Variants in P2RY6 observed in about 807,000 individuals in gnomAD.
P2RY6 encodes pyrimidinergic receptor P2Y6, also known as P2Y purinoceptor 6.
In P2RY6, 19 loss-of-function variants were observed where a neutral mutation model predicts 16.3. The ratio of observed to expected loss-of-function variants is 1.16; its 90% CI spans 0.81 to 1.71. P2RY6 has a LOEUF of 1.71. P2RY6 is among the 40% of genes most tolerant of loss of function. The pLI is 0.00. For synonymous variants in P2RY6, 184 were observed against 201.5 expected, an observed-to-expected ratio of 0.91 and a Z score of 0.74; for missense variants, 389 against 455.5, an observed-to-expected ratio of 0.85 and a Z score of 1.33.
chr11:73,274,802 C>T (rs946678253), intron 1 of P2RY6, among the ~76,000 whole-genome samples: 2 of 152,176 alleles, frequency 1.3e-5, no homozygotes, highest in African/African-American at 4.8e-5. Flanking sequence ...CGGGGCCTGT[C>T]GAGACTCTCA....
At chr11:73,289,365 C>G (rs1003119401) in intron 1 of P2RY6, 1 of 152,168 alleles carries the variant, frequency 6.6e-6, no homozygotes, top group African/African-American at 2.4e-5. Flanking sequence ...CTATGTCAGA[C>G]AGACAGGGCG....
intron 1 of P2RY6, among the ~76,000 whole-genome samples, chr11:73,280,223 T>C (rs1863702404): frequency 6.6e-6 from 1 of 152,176 alleles, no homozygotes; most frequent in African/African-American, 2.4e-5. Flanking sequence ...AGTCATTCTT[T>C]CTTCCTGTGC....
intron 1 of P2RY6, among the ~76,000 whole-genome samples, chr11:73,280,767 G>A (rs1260690597): frequency 6.6e-6 from 1 of 152,226 alleles, no homozygotes; most frequent in Admixed American, 6.5e-5. Flanking sequence ...AGCAGGAACT[G>A]AAAGTAAATC....
rs1864573418 is a variant in P2RY6 at position 73,297,727 on chromosome 11, A to G, written c.*222A>G. Reference sequence around the variant, plus strand: ...TGGACAGACCTGGGCCTGGCTCTTGAGAGGTCCCAGTCAGCCATGGAGAGC... The same window carrying G: ...TGGACAGACCTGGGCCTGGCTCTTGGGAGGTCCCAGTCAGCCATGGAGAGC... On this transcript the variant is annotated 3_prime_UTR_variant, in exon 3 of 3. Transcript: ENST00000540124. The G allele has an allele frequency of 3.4e-6, 2 of 582,902 alleles. No homozygotes were observed. The highest frequency in any genetic ancestry group is 3.1e-5 in the Admixed American group (1 of 31,810). 36.1% of individuals were successfully genotyped at this position (582,902 alleles called of 1,614,324 possible).
upstream of P2RY6, among the ~76,000 whole-genome samples, chr11:73,267,884 G>A (rs1863157957): frequency 6.6e-6 from 1 of 152,230 alleles, no homozygotes; most frequent in Non-Finnish European, 1.5e-5. Context: ...GCTTCTCTGG[G>A]AGGGGCAAAG....
At chr11:73,284,376 G>A (rs1297729535) in intron 1 of P2RY6, among the ~76,000 whole-genome samples, 1 of 152,172 alleles carries the variant, frequency 6.6e-6, no homozygotes, top group African/African-American at 2.4e-5. Context: ...AGAGAAGCCA[G>A]GAAGATCCTT....
rs191939183 is a variant in P2RY6, at chr11:73,282,263, T to A, written c.-121+9797T>A. On this transcript the variant is annotated intron_variant, in intron 1 of 2. Transcript: ENST00000540124. ...TTTCTCTGAATCTAACCACAACCAA[T>A]TCATCCTCCAACTAGCAGCCCAAGG... Among the ~76,000 whole-genome samples, 4 of 152,218 alleles carry A rather than the reference T, an allele frequency of 2.6e-5. No individual in the cohort carries two copies. The East Asian group carries it at 7.7e-4, about 29-fold the overall frequency.
chr11:73,292,160 C>T (rs1055805544), intron 1 of P2RY6, among the ~76,000 whole-genome samples: 5 of 152,262 alleles, frequency 3.3e-5, no homozygotes, highest in Non-Finnish European at 5.9e-5. Flanking sequence ...CCACAGCCCA[C>T]GTCCATCACT....
upstream of P2RY6, among the ~76,000 whole-genome samples, chr11:73,270,356 G>A (rs769041300): frequency 2.6e-5 from 4 of 152,068 alleles, no homozygotes; most frequent in Non-Finnish European, 5.9e-5. Flanking sequence ...CTGGAGGGTG[G>A]GGCAGGCTGG....
At position 73,297,175 on chromosome 11, in the gene P2RY6, G is replaced by T; in HGVS notation, c.657G>T (p.Leu219=). The T allele has an allele frequency of 6.2e-7, 1 of 1,604,152 alleles. No homozygotes were observed. Among genetic ancestry groups the T allele is most frequent in the South Asian group, 1.1e-5 (1 of 91,070 alleles). Residue 219 remains leucine (L), a synonymous_variant, in exon 3 of 3, where the codon CTG becomes CTT. Transcript: ENST00000540124. ...LACYCLLACR[L]CRQDGPAEPV... is the part of the protein sequence containing the mutation. ...GCTACTGTCTCCTGGCCTGCCGCCT[G>T]TGCCGCCAGGATGGCCCGGCAGAGC...
intron 1 of P2RY6, among the ~76,000 whole-genome samples, chr11:73,280,925 C>A (rs1490918008): frequency 6.6e-6 from 1 of 152,068 alleles, no homozygotes; most frequent in Non-Finnish European, 1.5e-5. Context: ...TTTTGCTGAG[C>A]CAGGGTCCAT....
intron 1 of P2RY6, among the ~76,000 whole-genome samples, chr11:73,267,331 G>A (rs1591656844): frequency 6.6e-6 from 1 of 152,272 alleles, no homozygotes; most frequent in African/African-American, 2.4e-5. Context: ...TCTCTGGGGT[G>A]GATGACAGTG....
intron 1 of P2RY6, 41 bp from the exon 2 acceptor site, chr11:73,295,689 C>G (rs1302998547): frequency 1.2e-6 from 1 of 806,192 alleles, no homozygotes; most frequent in Non-Finnish European, 1.5e-6. Context: ...TGGAAAGAAG[C>G]CTTGGGGAAC....
chr11:73,270,287 G>A (rs1863246270), upstream of P2RY6: 1 of 152,226 alleles, frequency 6.6e-6, no homozygotes, highest in Admixed American at 6.5e-5. Flanking sequence ...AGCTGGGGTT[G>A]CAAGGAAAAT....
intron 1 of P2RY6, among the ~76,000 whole-genome samples, chr11:73,277,688 A>C (rs1318302707): frequency 6.6e-6 from 1 of 152,252 alleles, no homozygotes; most frequent in Non-Finnish European, 1.5e-5. Flanking sequence ...GAGCTTAGGC[A>C]ATCCGCATCT....
chr11:73,290,664 C>A (rs905147879), intron 1 of P2RY6, among the ~76,000 whole-genome samples: 7 of 152,262 alleles, frequency 4.6e-5, no homozygotes, highest in African/African-American at 1.4e-4. Flanking sequence ...CCCTCTTCAG[C>A]CTTGTTATGT....
intron 1 of P2RY6, among the ~76,000 whole-genome samples, chr11:73,273,092 GAAAAA>G (rs35651681): frequency 7.6e-6 from 1 of 130,824 alleles, no homozygotes; most frequent in Admixed American, 7.8e-5. Context: ...GAGTGGTTTG[GAAAAA>G]AAAAAAAAAA....
At chr11:73,288,935 C>G (rs1302687698) in intron 1 of P2RY6, among the ~76,000 whole-genome samples, 3 of 152,236 alleles carry the variant, frequency 2.0e-5, no homozygotes, top group African/African-American at 7.2e-5. Flanking sequence ...GCCTTTATTT[C>G]CCAGCAGGCA....
chr11:73,296,233 A>AAAT (rs57187973), intron 2 of P2RY6, among the ~76,000 whole-genome samples: 1,829 of 124,380 alleles, frequency 0.015, 11 homozygotes, highest in Middle Eastern at 0.025. Context: ...GAAAAAAAAA[A>AAAT]ATATATATAT....
Sources: allele counts gnomAD v4.1 joint callset (sites outside exome capture counted in the v4.1 genomes callset), GRCh38; gene constraint gnomAD v4.1.1; transcripts MANE v1.5; gene names NCBI Gene and HGNC (gene_info 2026-07-23, HGNC 2026-07-21).